CDCP1: variants seen among roughly 807,000 people sequenced by gnomAD.
CDCP1 encodes CUB domain-containing protein 1.
Under a neutral mutation model 60.2 loss-of-function variants are expected in CDCP1, and 29 were observed. The ratio of observed to expected loss-of-function variants is 0.48; its 90% CI spans 0.36 to 0.66. The LOEUF (loss-of-function observed/expected upper bound fraction) is 0.66. Among genes scored for constraint, CDCP1 ranks in the 30% least tolerant of loss-of-function variants. The probability of loss-of-function intolerance (pLI) is 0.00; values close to 1 mark genes in which losing one functional copy is unlikely to be tolerated. For missense variants in CDCP1, 876 were observed against 1,074.3 expected (o/e 0.82, Z 2.58); for synonymous variants, 387 against 431.1 (o/e 0.90, Z 1.27).
At chr3:45,122,204 C>T (rs1046653923) in intron 1 of CDCP1, among the ~76,000 whole-genome samples, 5 of 146,778 alleles carry the variant, frequency 3.4e-5, no homozygotes, top group Non-Finnish European at 5.9e-5. Flanking sequence ...AGTGCGGTGG[C>T]GCAACCTCGG....
chr3:45,118,701 C>T (rs1411474874), intron 1 of CDCP1, 80 bp from the exon 2 acceptor site: 2 of 1,115,714 alleles, frequency 1.8e-6, no homozygotes, highest in Non-Finnish European at 2.7e-6. Flanking sequence ...CAATCTGGTT[C>T]AGAGAGGATG....
intron 4 of CDCP1, among the ~76,000 whole-genome samples, chr3:45,105,366 A>C (rs1433157813): frequency 2.0e-5 from 3 of 152,222 alleles, no homozygotes. Flanking sequence ...AAGCAAAAAC[A>C]AATCCAATAA....
At chr3:45,106,697 G>A (rs948023417) in intron 4 of CDCP1, among the ~76,000 whole-genome samples, 1 of 152,204 alleles carries the variant, frequency 6.6e-6, no homozygotes, top group African/African-American at 2.4e-5. Flanking sequence ...GTGCACTCCT[G>A]GGGTAGTGGC....
chr3:45,110,600 G>A lies in CDCP1; in HGVS notation c.897C>T (p.Asp299=). 1 of 1,614,196 alleles carries A rather than the reference G, an allele frequency of 6.2e-7. No individual in the cohort carries two copies. The highest frequency in any genetic ancestry group is 8.5e-7 in the Non-Finnish European group (1 of 1,180,038). ...TCCCCGCCATGTTCCCAGGCTGCTT[G>A]TCCTCCAGCTTGAACACCTCGGGGT... ...TTNPEVFKLE[D]KQPGNMAGNF... is the part of the protein sequence containing the mutation. Residue 299 remains aspartate, a synonymous_variant, in exon 4 of 9, where the codon GAC becomes GAT. Coordinates refer to ENST00000296129, the MANE Select transcript of CDCP1 (RefSeq NM_022842.5).
At chr3:45,093,725 G>C in intron 5 of CDCP1, 68 bp from the exon 6 acceptor site, 1 of 1,531,798 alleles carries the variant, frequency 6.5e-7, no homozygotes, top group African/African-American at 1.4e-5. Flanking sequence ...CAGCTCTCCC[G>C]TCAGCCTGAG....
At chr3:45,127,396 T>C (rs1318193420) in intron 1 of CDCP1, among the ~76,000 whole-genome samples, 3 of 152,148 alleles carry the variant, frequency 2.0e-5, no homozygotes, top group Non-Finnish European at 4.4e-5. Flanking sequence ...GGGAAGTTAA[T>C]GTGGCTGAGT....
chr3:45,085,830 A>G lies in CDCP1; in HGVS notation c.2319T>C (p.Pro773=). ...TGGAGCATATGGTGGGTGGGGAGGG[A>G]GGACAGACCCCCATGGTGCCCTGGA... ...RPFQGTMGVC[P]PSPPTICSRA... The change falls in exon 9 of 9, where the codon CCT becomes CCC. Residue 773 remains proline, a synonymous_variant. Transcript: ENST00000296129. The surrounding 1 kb of genome is among the most constrained non-coding windows in gnomAD (Gnocchi z 4.2). The G allele has an allele frequency of 6.2e-7, 1 of 1,613,914 alleles. No individual in the cohort carries two copies. Among genetic ancestry groups the G allele is most frequent in the East Asian group, 2.2e-5 (1 of 44,864 alleles).
chr3:45,112,294 C>A lies in CDCP1; in HGVS notation c.444G>T (p.Gln148His). Residue 148 changes from glutamine (Q) to histidine (H), a missense_variant, in exon 3 of 9, where the codon CAG becomes CAT. Gln to His is a conservative substitution (Grantham distance 24). Transcript: ENST00000296129. ...ELQFSIPRLRQIGPGESCPDG... is the reference protein window; with the variant it reads ...ELQFSIPRLRHIGPGESCPDG... ...CTGGGCAGCTCTCACCCGGACCGAT[C>A]TGCCTCAGGCGAGGGATGGAAAACT... 6.2e-7 allele frequency: 1 copy of A among 1,614,242 alleles called. No homozygotes were observed.
At chr3:45,146,422 C>G, upstream of CDCP1, 2 of 660,358 alleles carry the variant, frequency 3.0e-6, no homozygotes, top group Non-Finnish European at 4.8e-6. Flanking sequence ...GAGCCCCGCC[C>G]TGCGCAGCAG....
intron 1 of CDCP1, among the ~76,000 whole-genome samples, chr3:45,145,463 G>A (rs1699363267): frequency 6.6e-6 from 1 of 152,150 alleles, no homozygotes; most frequent in Non-Finnish European, 1.5e-5. Flanking sequence ...TCCCCCAACC[G>A]AAACAACTCG....
chr3:45,123,504 A>G (rs1448575713), intron 1 of CDCP1, among the ~76,000 whole-genome samples: 1 of 152,234 alleles, frequency 6.6e-6, no homozygotes, highest in Non-Finnish European at 1.5e-5. Context: ...CCAAGGACAC[A>G]TCACTCACAT....
At chr3:45,115,726 C>G (rs566926623) in intron 2 of CDCP1, among the ~76,000 whole-genome samples, 3 of 151,554 alleles carry the variant, frequency 2.0e-5, no homozygotes, top group African/African-American at 7.3e-5. Context: ...TTTTTTAAGA[C>G]AAATTCTCAC....
At chr3:45,115,068 G>T (rs76363076) in intron 2 of CDCP1, among the ~76,000 whole-genome samples, 1 of 151,952 alleles carries the variant, frequency 6.6e-6, no homozygotes, top group South Asian at 2.1e-4. Context: ...ATGTACAGTC[G>T]TTTTAAAAAC....
Position 45,120,347 on chromosome 3 carries a change from C to A in CDCP1, c.83-1726G>T, listed in dbSNP as rs1353848134. ...CATAGTATGGAAATTGATCTCCCAA[C>A]CTTATATGAACTGTAAATATTTTCC... On this transcript the variant is annotated intron_variant, in intron 1 of 8. Coordinates refer to ENST00000296129, the MANE Select transcript of CDCP1 (RefSeq NM_022842.5). Among the ~76,000 whole-genome samples, 3 of 152,202 alleles carry A rather than the reference C, an allele frequency of 2.0e-5. No individual in the cohort carries two copies. The East Asian group carries it at 5.8e-4, about 29-fold the overall frequency.
In CDCP1 at chr3:45,085,202, A is replaced by C. The variant is rs1698167384; in HGVS notation, c.*436T>G. ...ATAACACAGGACCACCAAATAAATAATAATAAAAAGGCACATTGTCGTTTT... is the reference window on the plus strand; with the variant it reads ...ATAACACAGGACCACCAAATAAATACTAATAAAAAGGCACATTGTCGTTTT... On this transcript the variant is annotated 3_prime_UTR_variant, in exon 9 of 9. Transcript: ENST00000296129. This position sits in a 1 kb window ranked among gnomAD's most constrained non-coding sequence, Gnocchi z 4.2. 1.2e-5 allele frequency: 2 copies of C among 160,166 alleles called. No individual in the cohort carries two copies. The highest frequency in any genetic ancestry group is 4.8e-5 in the African/African-American group (2 of 41,562). 9.9% of individuals were successfully genotyped at this position (160,166 alleles called of 1,614,324 possible). A position where few individuals can be genotyped will look rare whatever the true frequency, so the allele number is the denominator to read the frequency against.
In CDCP1 at chr3:45,146,292, C is replaced by T. The variant is rs1260901524; in HGVS notation, c.-5G>A. ...CCCGCAGTTCAGGCCGGCCATGACTCCGGGACGCCTCGGCCTCGGTGGGGA... is the reference window on the plus strand; with the variant it reads ...CCCGCAGTTCAGGCCGGCCATGACTTCGGGACGCCTCGGCCTCGGTGGGGA... On this transcript the variant is annotated 5_prime_UTR_variant, in exon 1 of 9. Transcript: ENST00000296129. 1 of 1,570,252 alleles carries T rather than the reference C, an allele frequency of 6.4e-7. No homozygotes were observed. The highest frequency in any genetic ancestry group is 8.6e-7 in the Non-Finnish European group (1 of 1,162,376).
At chr3:45,144,082 T>C (rs975035262) in intron 1 of CDCP1, among the ~76,000 whole-genome samples, 83 of 152,214 alleles carry the variant, frequency 5.5e-4, no homozygotes, top group African/African-American at 1.9e-3. Context: ...CAAAAGGCTA[T>C]GATCCCAATG....
chr3:45,095,685 G>T lies in CDCP1; in HGVS notation c.1025-117C>A, dbSNP rs187760497. On this transcript the variant is annotated intron_variant, in intron 4 of 8. Coordinates refer to ENST00000296129, the MANE Select transcript of CDCP1 (RefSeq NM_022842.5). Reference sequence around the variant, plus strand: ...AAAATGGCATATCAGACCATGGATGGATAATGTTGGGAAAACGTATTATTA... The same window carrying T: ...AAAATGGCATATCAGACCATGGATGTATAATGTTGGGAAAACGTATTATTA... The T allele has an allele frequency of 1.9e-5, 14 of 736,270 alleles. No individual in the cohort carries two copies. In the African/African-American group the frequency reaches 2.3e-4, roughly 12 times the overall value. 45.6% of individuals were successfully genotyped at this position (736,270 alleles called of 1,614,324 possible). A position where few individuals can be genotyped will look rare whatever the true frequency, so the allele number is the denominator to read the frequency against.
chr3:45,087,142 T>C (rs563182231), intron 8 of CDCP1, among the ~76,000 whole-genome samples: 13 of 152,284 alleles, frequency 8.5e-5, no homozygotes, highest in Admixed American at 5.2e-4. Context: ...CCTGCCCCCA[T>C]AGAAGAGATT....
Sources: gnomAD v4.1 joint callset for allele counts (sites outside exome capture counted in the v4.1 genomes callset) on GRCh38, gnomAD v4.1.1 for gene constraint, Gnocchi (gnomAD v3.1) non-coding constraint, MANE v1.5 for transcripts, NCBI Gene and HGNC (gene_info 2026-07-23, HGNC 2026-07-21) for gene names.